Variants in TRAF2 observed in about 807,000 individuals in gnomAD.
TRAF2 encodes the protein TNF receptor-associated factor 2.
TRAF2 carries 6 observed loss-of-function variants against 55.6 expected under a neutral mutation model. The observed-to-expected ratio is 0.11, with a 90% confidence interval of 0.06 to 0.21. The LOEUF is 0.21. Among genes scored for constraint, TRAF2 ranks in the 10% least tolerant of loss-of-function variants. The pLI, the probability that TRAF2 is intolerant of heterozygous loss-of-function variation, is 1.00. For synonymous variants in TRAF2, 329 were observed against 276.3 expected (o/e 1.19, Z -1.89); for missense variants, 561 against 684.5 (o/e 0.82, Z 2.01).
rs1329564047 is a variant in TRAF2, at chr9:136,926,096, C to T, written c.*195C>T. The T allele has an allele frequency of 1.3e-6, 1 of 789,392 alleles. No homozygotes were observed. Among genetic ancestry groups the T allele is most frequent in the South Asian group, 1.4e-5 (1 of 72,626 alleles). The allele number at this position is 789,392 out of a possible 1,614,324, so 48.9% of individuals were successfully genotyped here. A position where few individuals can be genotyped will look rare whatever the true frequency, so the allele number is the denominator to read the frequency against. ...CCAGCCAGTCCTCAGATTTCAGAGACTGCGGAGGGGCTTGGCAGACGGTCT... is the reference window on the plus strand; with the variant it reads ...CCAGCCAGTCCTCAGATTTCAGAGATTGCGGAGGGGCTTGGCAGACGGTCT... On this transcript the variant is annotated 3_prime_UTR_variant, in exon 11 of 11. Coordinates refer to ENST00000247668, the MANE Select transcript of TRAF2 (RefSeq NM_021138.4).
At chr9:136,913,291 A>AG (rs1454819034) in intron 6 of TRAF2, among the ~76,000 whole-genome samples, 2 of 129,610 alleles carry the variant, frequency 1.5e-5, no homozygotes, top group Non-Finnish European at 1.6e-5. Flanking sequence ...CTTATTATAA[A>AG]GGAATTTTTT....
intron 7 of TRAF2, among the ~76,000 whole-genome samples, chr9:136,917,906 G>A (rs1206134240): frequency 6.6e-6 from 1 of 152,074 alleles, no homozygotes; most frequent in Admixed American, 6.6e-5. Flanking sequence ...TGCCGCCACC[G>A]TGCTCCTTGT....
chr9:136,915,489 T>C (rs1440454723), intron 6 of TRAF2, among the ~76,000 whole-genome samples: 1 of 152,110 alleles, frequency 6.6e-6, no homozygotes, highest in African/African-American at 2.4e-5. Flanking sequence ...AAAAATGCAC[T>C]GAACACGCGC....
chr9:136,911,065 C>T lies in TRAF2; in HGVS notation c.603+1071C>T, dbSNP rs376955361. On this transcript the variant is annotated intron_variant, in intron 6 of 10. Coordinates refer to ENST00000247668, the MANE Select transcript of TRAF2 (RefSeq NM_021138.4). ...CGAGAGGTGCCCTCTGCGTGTGCCC[C>T]AGTCTGTGTCAGCCCTTGTCTGTCC... Among the ~76,000 whole-genome samples, 82 of 152,336 alleles carry T rather than the reference C, an allele frequency of 5.4e-4. No individual in the cohort carries two copies. The East Asian group carries it at 0.011, about 21-fold the overall frequency.
intron 4 of TRAF2, among the ~76,000 whole-genome samples, chr9:136,905,979 C>T (rs1483991612): frequency 6.6e-6 from 1 of 152,132 alleles, no homozygotes. Context: ...GTGGCGGGCG[C>T]CCGTAGTCCC....
rs532868991 is a variant in TRAF2, at chr9:136,899,153, C to T, written c.188+225C>T. On this transcript the variant is annotated intron_variant, in intron 2 of 10. Transcript: ENST00000247668. Reference sequence around the variant, plus strand: ...TGGATACATGGGGTTAAATATAGTACGTCATTACAGTTAATTTTATCTTTT... The same window carrying T: ...TGGATACATGGGGTTAAATATAGTATGTCATTACAGTTAATTTTATCTTTT... 1.5e-4 allele frequency among the ~76,000 whole-genome samples: 23 copies of T among 152,256 alleles called. 1 individual carries two copies. The highest frequency in any genetic ancestry group is 6.2e-4 in the South Asian group (3 of 4,816).
intron 7 of TRAF2, among the ~76,000 whole-genome samples, chr9:136,919,515 G>A (rs1470202767): frequency 6.6e-6 from 1 of 150,908 alleles, no homozygotes; most frequent in African/African-American, 2.4e-5. Context: ...GGCTAGTCTC[G>A]AACTCCCGAC....
chr9:136,921,136 C>T lies in TRAF2; in HGVS notation c.1059C>T (p.Val353=). The change falls in exon 9 of 11, where the codon GTC becomes GTT. Residue 353 remains valine (V), a synonymous_variant. Transcript: ENST00000247668. ...TGGAGGCATCCACCTACGATGGGGT[C>T]TTCATCTGGAAGATCTCAGACTTCG... The part of the protein sequence containing the change: ...LEMEASTYDG[V]FIWKISDFAR... 6.2e-7 allele frequency: 1 copy of T among 1,614,118 alleles called. No homozygotes were observed. Among genetic ancestry groups the T allele is most frequent in the Non-Finnish European group, 8.5e-7 (1 of 1,180,030 alleles).
In TRAF2 at chr9:136,908,140, G is replaced by T; in HGVS notation, c.437G>T (p.Gly146Val). ...CPACKGLVRL[G>V]EKERHLEHEC... is the part of the protein sequence containing the mutation. ...GCGTGCAAAGGCCTGGTCCGCCTTGGTGAAAAGGAGCGCCACCTGGAGCAC... is the reference window on the plus strand; with the variant it reads ...GCGTGCAAAGGCCTGGTCCGCCTTGTTGAAAAGGAGCGCCACCTGGAGCAC... The change falls in exon 5 of 11, where the codon GGT becomes GTT. Residue 146 changes from glycine to valine, a missense_variant. By Grantham distance (109) the Gly-to-Val change is moderately radical. Transcript: ENST00000247668. 1 of 1,605,140 alleles carries T rather than the reference G, an allele frequency of 6.2e-7. No homozygotes were observed. Among genetic ancestry groups the T allele is most frequent in the Non-Finnish European group, 8.5e-7 (1 of 1,179,944 alleles).
At chr9:136,909,483 A>G (rs1850047528) in intron 5 of TRAF2, among the ~76,000 whole-genome samples, 1 of 152,042 alleles carries the variant, frequency 6.6e-6, no homozygotes, top group African/African-American at 2.4e-5. Flanking sequence ...TGTCAGATGG[A>G]CGGGCCTGAC....
At chr9:136,907,128 C>T (rs906964849) in intron 4 of TRAF2, among the ~76,000 whole-genome samples, 1 of 152,236 alleles carries the variant, frequency 6.6e-6, no homozygotes, top group South Asian at 2.1e-4. Context: ...GAGGAGCTGG[C>T]ACCGCCTCCC....
chr9:136,895,735 G>T (rs1312750141), intron 1 of TRAF2, among the ~76,000 whole-genome samples: 2 of 151,822 alleles, frequency 1.3e-5, no homozygotes, highest in East Asian at 3.9e-4. Flanking sequence ...TGTGGTCCCA[G>T]TTACTTGGGA....
intron 1 of TRAF2, chr9:136,889,877 CTCAT>C (rs1199040887): frequency 1.3e-5 from 2 of 152,362 alleles, no homozygotes; most frequent in African/African-American, 4.8e-5. Flanking sequence ...TCCCCGCATG[CTCAT>C]TCAGTCGGTC....
intron 3 of TRAF2, among the ~76,000 whole-genome samples, 183 bp from the exon 4 acceptor site, chr9:136,900,239 A>G (rs1045200517): frequency 6.6e-6 from 1 of 151,996 alleles, no homozygotes; most frequent in African/African-American, 2.4e-5. Context: ...TAGGGTTTGG[A>G]AACTTTGGCA....
intron 1 of TRAF2, among the ~76,000 whole-genome samples, chr9:136,890,804 TTG>T (rs1436026832): frequency 6.6e-6 from 1 of 152,094 alleles, no homozygotes; most frequent in Non-Finnish European, 1.5e-5. Flanking sequence ...CTGTCTGGGG[TTG>T]TGTTTTCATT....
In TRAF2 at chr9:136,925,601, C is replaced by T. The variant is rs1043058325; in HGVS notation, c.1288-82C>T. ...TCCTGGGATGGCCTCCTGCTGGTGGCCCTGCCAGTGTCCAGACCCTCGGGA... is the reference window on the plus strand; with the variant it reads ...TCCTGGGATGGCCTCCTGCTGGTGGTCCTGCCAGTGTCCAGACCCTCGGGA... On this transcript the variant is annotated intron_variant, in intron 10 of 10. Coordinates refer to ENST00000247668, the MANE Select transcript of TRAF2 (RefSeq NM_021138.4). 42 of 1,417,788 alleles carry T rather than the reference C, an allele frequency of 3.0e-5. No individual in the cohort carries two copies. The Admixed American group carries it at 6.6e-4, about 22-fold the overall frequency. The allele number at this position is 1,417,788 out of a possible 1,614,324, so 87.8% of individuals were successfully genotyped here.
At chr9:136,908,386 A>G (rs1850010636) in intron 5 of TRAF2, among the ~76,000 whole-genome samples, 155 bp downstream of exon 5, 1 of 152,228 alleles carries the variant, frequency 6.6e-6, no homozygotes, top group Non-Finnish European at 1.5e-5. Context: ...GTTTCTTGGC[A>G]GAACTGGGAA....
chr9:136,905,808 G>C (rs1410353095), intron 4 of TRAF2, among the ~76,000 whole-genome samples: 3 of 152,038 alleles, frequency 2.0e-5, no homozygotes, highest in African/African-American at 7.3e-5. Context: ...ACCAGCCTGG[G>C]TAAGATGGCT....
chr9:136,906,476 A>T (rs1456399183), intron 4 of TRAF2, among the ~76,000 whole-genome samples: 1 of 152,090 alleles, frequency 6.6e-6, no homozygotes, highest in Non-Finnish European at 1.5e-5. Flanking sequence ...AGATCCCATG[A>T]GACTTACTAT....
Sources: gnomAD v4.1 joint callset for allele counts (sites outside exome capture counted in the v4.1 genomes callset) on GRCh38, gnomAD v4.1.1 for gene constraint, MANE v1.5 for transcripts, NCBI Gene and HGNC (gene_info 2026-07-23, HGNC 2026-07-21) for gene names.